Variants in LAMA1 observed in about 807,000 individuals in gnomAD.
The protein encoded by LAMA1 is laminin subunit alpha-1.
Under a neutral mutation model 348.7 loss-of-function variants are expected in LAMA1, and 219 were observed. The observed-to-expected ratio is 0.63, with a 90% CI of 0.56 to 0.70. LAMA1 has a LOEUF of 0.70. LAMA1 is among the 30% of genes least tolerant of loss of function. The probability of loss-of-function intolerance (pLI) is 0.00; values close to 1 mark genes in which losing one functional copy is unlikely to be tolerated. For missense variants in LAMA1, 3,744 were observed against 3,888.0 expected (o/e 0.96, Z 0.99); for synonymous variants, 1,487 against 1,491.0 (o/e 1.00, Z 0.06).
rs112231761 is a variant in LAMA1, at chr18:7,032,449, G to A, written c.2164-273C>T. ...TAATGGTTGTGCAATGAGTCTTACG[G>A]CCTATTCTTGTTATGGTATTAATAT... On this transcript the variant is annotated intron_variant, in intron 15 of 62. Transcript: ENST00000389658. Among the ~76,000 whole-genome samples the A allele has an allele frequency of 1.3e-3, 193 of 152,256 alleles. 1 individual carries two copies. Among genetic ancestry groups the A allele is most frequent in the Non-Finnish European group, 2.4e-3 (160 of 68,020 alleles).
At chr18:7,116,775 C>A (rs1321489641) in intron 1 of LAMA1, among the ~76,000 whole-genome samples, 3 of 152,020 alleles carry the variant, frequency 2.0e-5, no homozygotes, top group African/African-American at 4.8e-5. Flanking sequence ...GAAAAGAATT[C>A]TTTCTTTCTT....
At chr18:7,023,580 A>G (rs2057928356) in intron 18 of LAMA1, among the ~76,000 whole-genome samples, 1 of 152,132 alleles carries the variant, frequency 6.6e-6, no homozygotes, top group East Asian at 1.9e-4. Context: ...AAAATGAGGC[A>G]TAAATCCAGG....
intron 25 of LAMA1, among the ~76,000 whole-genome samples, chr18:7,010,877 A>G (rs1282307998): frequency 6.6e-6 from 1 of 152,234 alleles, no homozygotes; most frequent in East Asian, 1.9e-4. Context: ...TACCAAGAGC[A>G]TATCAGTAAA....
intron 1 of LAMA1, among the ~76,000 whole-genome samples, chr18:7,102,038 G>A (rs918523272): frequency 3.3e-5 from 5 of 151,726 alleles, no homozygotes; most frequent in South Asian, 2.1e-4. Context: ...ATATTATTTT[G>A]GATTTATTTT....
chr18:6,987,227 CT>C (rs1735326322), intron 36 of LAMA1, among the ~76,000 whole-genome samples: 1 of 152,172 alleles, frequency 6.6e-6, no homozygotes, highest in Non-Finnish European at 1.5e-5. Flanking sequence ...AAAAGATCAT[CT>C]CCATGAATCT....
chr18:6,958,770 C>T (rs2057592962), intron 54 of LAMA1, 108 bp from the exon 55 acceptor site: 1 of 951,150 alleles, frequency 1.1e-6, no homozygotes, highest in African/African-American at 1.6e-5. Flanking sequence ...TAAAAGTTCC[C>T]TAAAGGTTCA....
intron 44 of LAMA1, among the ~76,000 whole-genome samples, chr18:6,977,119 A>T (rs2057686247): frequency 6.6e-6 from 1 of 152,176 alleles, no homozygotes; most frequent in African/African-American, 2.4e-5. Flanking sequence ...ACGACTGCAC[A>T]TTCTCTCAAA....
At chr18:6,993,470 CTCAG>C (rs1421952972) in intron 35 of LAMA1, among the ~76,000 whole-genome samples, 167 bp downstream of exon 35, 1 of 152,168 alleles carries the variant, frequency 6.6e-6, no homozygotes, top group East Asian at 1.9e-4. Context: ...AGCTAAAACT[CTCAG>C]TCAAAGACTA....
intron 62 of LAMA1, 105 bp from the exon 63 acceptor site, chr18:6,942,344 A>C: frequency 1.6e-6 from 2 of 1,235,610 alleles, no homozygotes; most frequent in Non-Finnish European, 2.2e-6. Context: ...TTTATTTTTT[A>C]AATTTTTCAC....
At chr18:6,953,367 T>C (rs755389359) in intron 57 of LAMA1, among the ~76,000 whole-genome samples, 1 of 152,266 alleles carries the variant, frequency 6.6e-6, no homozygotes, top group Non-Finnish European at 1.5e-5. Context: ...TGCTGGCATA[T>C]TGTTATAATT....
chr18:7,031,056 G>T, intron 16 of LAMA1, among the ~76,000 whole-genome samples: 1 of 152,154 alleles, frequency 6.6e-6, no homozygotes, highest in Non-Finnish European at 1.5e-5. Context: ...TTTACTTACA[G>T]AATAAAGAAA....
At chr18:7,104,268 C>T (rs989689884) in intron 1 of LAMA1, among the ~76,000 whole-genome samples, 5 of 152,158 alleles carry the variant, frequency 3.3e-5, no homozygotes, top group South Asian at 2.1e-4. Context: ...TGAGCCACCG[C>T]GTCCAGCCAA....
In LAMA1 at chr18:7,002,365, T is replaced by C; in HGVS notation, c.4281A>G (p.Ala1427=). 2 of 1,613,786 alleles carry C rather than the reference T, an allele frequency of 1.2e-6. No homozygotes were observed. Among genetic ancestry groups the C allele is most frequent in the Non-Finnish European group, 1.7e-6 (2 of 1,180,026 alleles). The change falls in exon 30 of 63, where the codon GCA becomes GCG. Residue 1427 remains alanine (A), a synonymous_variant. Transcript: ENST00000389658. ...AAGTACACACATCACAATGGTCACC[T>C]GCTGTGTTATCGCCACAGTTCTGGG... ...GKCLNCGDNT[A]GDHCDVCTSG...
At chr18:7,016,164 A>G (rs2057886786) in intron 21 of LAMA1, among the ~76,000 whole-genome samples, 1 of 152,228 alleles carries the variant, frequency 6.6e-6, no homozygotes, top group Admixed American at 6.5e-5. Context: ...GCCCAATGCC[A>G]TGCTGAGGAC....
At chr18:7,117,067 C>A (rs946946339) in intron 1 of LAMA1, among the ~76,000 whole-genome samples, 2 of 152,120 alleles carry the variant, frequency 1.3e-5, no homozygotes, top group Admixed American at 1.3e-4. Context: ...ACGCCGCCTG[C>A]GGGTCCCCCT....
intron 58 of LAMA1, among the ~76,000 whole-genome samples, chr18:6,949,686 A>G (rs1040918055): frequency 1.3e-5 from 2 of 152,244 alleles, no homozygotes; most frequent in South Asian, 2.1e-4. Flanking sequence ...ATCAAAGATG[A>G]TAACAGTCCC....
chr18:7,032,000 CT>C (rs2057971777), intron 16 of LAMA1, 65 bp downstream of exon 16: 1 of 1,341,368 alleles, frequency 7.5e-7, no homozygotes. Context: ...AAAAAAATCA[CT>C]TGTACACAGC....
intron 3 of LAMA1, among the ~76,000 whole-genome samples, chr18:7,064,209 C>A (rs536345979): frequency 6.6e-6 from 1 of 151,558 alleles, no homozygotes; most frequent in Non-Finnish European, 1.5e-5. Context: ...AGAGAATATG[C>A]CATTTTTAAT....
intron 23 of LAMA1, 44 bp from the exon 24 acceptor site, chr18:7,012,182 G>A: frequency 6.2e-7 from 1 of 1,600,570 alleles, no homozygotes; most frequent in African/African-American, 1.3e-5. Flanking sequence ...CTAAAAAAGA[G>A]ATGTGATTTC....
Sources: gnomAD v4.1 joint callset for allele counts (sites outside exome capture counted in the v4.1 genomes callset) on GRCh38, gnomAD v4.1.1 for gene constraint, MANE v1.5 for transcripts, NCBI Gene and HGNC (gene_info 2026-07-23, HGNC 2026-07-21) for gene names.